MTOR: variants seen among roughly 807,000 people sequenced by gnomAD.
The protein encoded by MTOR is mechanistic target of rapamycin kinase.
In MTOR, 70 loss-of-function variants were observed where a neutral mutation model predicts 319.8. The observed-to-expected ratio is 0.22, with a 90% CI of 0.18 to 0.27. MTOR has a LOEUF of 0.27. Ranked by LOEUF, MTOR falls within the 10% of genes least tolerant of loss-of-function variation. The probability of loss-of-function intolerance (pLI) is 1.00; values close to 1 mark genes in which losing one functional copy is unlikely to be tolerated. For synonymous variants in MTOR, 1,183 were observed against 1,211.4 expected (o/e 0.98, Z 0.49); for missense variants, 1,890 against 3,274.4 (o/e 0.58, Z 10.32).
At chr1:11,204,792 T>C (rs935640584) in intron 25 of MTOR, 89 bp from the exon 26 acceptor site, 1 of 1,387,640 alleles carries the variant, frequency 7.2e-7, no homozygotes, top group Non-Finnish European at 9.7e-7. Flanking sequence ...ATTCTACTTT[T>C]AGATTTATAA....
chr1:11,235,373 C>G (rs2100886720), intron 13 of MTOR, among the ~76,000 whole-genome samples: 1 of 152,242 alleles, frequency 6.6e-6, no homozygotes, highest in African/African-American at 2.4e-5. Flanking sequence ...AATCCCAGCA[C>G]TTTAGGAGGC....
rs1455166921 is a variant in MTOR at position 11,128,716 on chromosome 1, G to A, written c.5811+139C>T. The A allele has an allele frequency of 1.0e-5, 10 of 1,000,528 alleles. No homozygotes were observed. In the East Asian group the frequency reaches 2.6e-4, roughly 26 times the overall value. The allele number at this position is 1,000,528 out of a possible 1,614,324, so 62.0% of individuals were successfully genotyped here. A position where few individuals can be genotyped will look rare whatever the true frequency, so the allele number is the denominator to read the frequency against. ...GAAAATAAAGAAAATATGGACACTT[G>A]ACACTGGGACCGAGCCCTACTTCCT... is the stretch of plus-strand genomic sequence containing the variant. On this transcript the variant is annotated intron_variant, in intron 41 of 57. Coordinates refer to ENST00000361445, the MANE Select transcript of MTOR (RefSeq NM_004958.4). This position sits in a 1 kb window ranked among gnomAD's most constrained non-coding sequence, Gnocchi z 5.3.
At chr1:11,188,343 T>C (rs2100694604) in intron 28 of MTOR, among the ~76,000 whole-genome samples, 3 of 152,212 alleles carry the variant, frequency 2.0e-5, no homozygotes, top group Admixed American at 2.0e-4. Flanking sequence ...ACATGAAAAA[T>C]TACAATATTC....
chr1:11,124,084 G>A (rs911827141), intron 47 of MTOR, among the ~76,000 whole-genome samples: 4 of 152,236 alleles, frequency 2.6e-5, no homozygotes, highest in African/African-American at 9.6e-5. Context: ...CACCGTGCCC[G>A]GTCACCTTTT....
chr1:11,189,459 T>G (rs1405183059), intron 28 of MTOR: 2 of 1,189,964 alleles, frequency 1.7e-6, no homozygotes, highest in African/African-American at 3.1e-5. Context: ...AACAACAAAG[T>G]GGCGAGGCCC....
At chr1:11,261,720 C>T (rs1651159718) in intron 1 of MTOR, among the ~76,000 whole-genome samples, 1 of 151,980 alleles carries the variant, frequency 6.6e-6, no homozygotes, top group Non-Finnish European at 1.5e-5. Context: ...GAAATGTCAT[C>T]CTTTAGGGGA....
intron 28 of MTOR, among the ~76,000 whole-genome samples, chr1:11,177,488 T>C (rs1052921701): frequency 2.0e-5 from 3 of 152,070 alleles, no homozygotes; most frequent in Non-Finnish European, 4.4e-5. Context: ...AGCCCACGAG[T>C]GTGAGGCTGC....
Position 11,112,876 on chromosome 1 carries a change from AATCCGT to A in MTOR, c.7336_7341del (p.Thr2446_Asp2447del), listed in dbSNP as rs1641966003. 3.1e-6 allele frequency: 5 copies of A among 1,614,238 alleles called. No homozygotes were observed. Among genetic ancestry groups the A allele is most frequent in the Non-Finnish European group, 4.2e-6 (5 of 1,180,042 alleles). On this transcript the variant is annotated inframe_deletion, in exon 54 of 58. Coordinates refer to ENST00000361445, the MANE Select transcript of MTOR (RefSeq NM_004958.4). Reference sequence around the variant, plus strand: ...CCGACTGACTGGCCAGCAGAGTAGGAATCCGTCCTCGTTCGGGATCGCTTGTTGCCT... The same window carrying A: ...CCGACTGACTGGCCAGCAGAGTAGGACCTCGTTCGGGATCGCTTGTTGCCT...
intron 34 of MTOR, among the ~76,000 whole-genome samples, chr1:11,142,611 T>C (rs375361748): frequency 2.5e-4 from 38 of 152,286 alleles, no homozygotes; most frequent in Middle Eastern, 3.4e-3. Context: ...GAACTCCTTT[T>C]TCATCCTTGT....
rs1365737832 is a variant in MTOR at position 11,156,072 on chromosome 1, C to G, written c.4469+1080G>C. ...GTGGTGCAATCTCAGCTCACTGCAA[C>G]CTCCGCCTCCCGGGTTCAAGTGATC... On this transcript the variant is annotated intron_variant, in intron 30 of 57. Transcript: ENST00000361445. Among the ~76,000 whole-genome samples the G allele has an allele frequency of 5.3e-5, 8 of 152,144 alleles. No individual in the cohort carries two copies. The East Asian group carries it at 1.5e-3, about 29-fold the overall frequency.
chr1:11,208,545 C>T (rs910255143), intron 25 of MTOR, among the ~76,000 whole-genome samples: 3 of 152,232 alleles, frequency 2.0e-5, no homozygotes, highest in African/African-American at 7.2e-5. Context: ...TGAAAAATAA[C>T]ACTGAAATCT....
Position 11,115,754 on chromosome 1 carries a change from A to G in MTOR, c.7017-286T>C. On this transcript the variant is annotated intron_variant, in intron 50 of 57. Transcript: ENST00000361445. This position sits in a 1 kb window ranked among gnomAD's most constrained non-coding sequence, Gnocchi z 4.5. Reference sequence around the variant, plus strand: ...AAAACGACCTATTAACTGGTCCTTTACAGAAACAGTTTGCCAACTCCTGCT... The same window carrying G: ...AAAACGACCTATTAACTGGTCCTTTGCAGAAACAGTTTGCCAACTCCTGCT... 2 of 354,304 alleles carry G rather than the reference A, an allele frequency of 5.6e-6. No individual in the cohort carries two copies. Among genetic ancestry groups the G allele is most frequent in the South Asian group, 8.7e-5 (2 of 22,914 alleles). 21.9% of individuals were successfully genotyped at this position (354,304 alleles called of 1,614,324 possible). A position where few individuals can be genotyped will look rare whatever the true frequency, so the allele number is the denominator to read the frequency against.
In MTOR at chr1:11,248,104, T is replaced by C. The variant is rs746143421; in HGVS notation, c.841-10A>G. The C allele has an allele frequency of 1.9e-6, 3 of 1,568,912 alleles. No individual in the cohort carries two copies. The highest frequency in any genetic ancestry group is 1.4e-5 in the African/African-American group (1 of 73,154). ...TTTCTTCTCTCAGACGCTATATATA[T>C]GAGGAGGAAAAAAATCATCTTTACT... On this transcript the variant is annotated splice_polypyrimidine_tract_variant and intron_variant, in intron 6 of 57. Transcript: ENST00000361445.
chr1:11,198,444 A>G (rs902326133), intron 28 of MTOR, among the ~76,000 whole-genome samples: 1 of 152,138 alleles, frequency 6.6e-6, no homozygotes, highest in African/African-American at 2.4e-5. Context: ...CTCTCAAACA[A>G]AGGAGGCTCT....
chr1:11,126,041 CAAAA>C (rs757246303), intron 46 of MTOR, among the ~76,000 whole-genome samples: 130 of 28,310 alleles, frequency 4.6e-3, no homozygotes, highest in Middle Eastern at 0.018. Flanking sequence ...AACTCTGGCT[CAAAA>C]AAAAAAAAAA....
At position 11,112,896 on chromosome 1, in the gene MTOR, C is replaced by T. The variant is rs1413993125; in HGVS notation, c.7322G>A (p.Arg2441Gln). Residue 2441 changes from arginine to glutamine, a missense_variant, in exon 54 of 58, where the codon CGA becomes CAA. By Grantham distance (43) the Arg-to-Gln change is conservative. Coordinates refer to ENST00000361445, the MANE Select transcript of MTOR (RefSeq NM_004958.4). ...GTAGGAATCCGTCCTCGTTCGGGATCGCTTGTTGCCTTTGGTATTTGCTAG... is the reference window on the plus strand; with the variant it reads ...GTAGGAATCCGTCCTCGTTCGGGATTGCTTGTTGCCTTTGGTATTTGCTAG... ...LMDTNTKGNK[R>Q]SRTRTDSYSA... is the part of the protein sequence containing the mutation. The T allele has an allele frequency of 2.5e-6, 4 of 1,614,172 alleles. No homozygotes were observed. The highest frequency in any genetic ancestry group is 2.2e-5 in the East Asian group (1 of 44,884).
At chr1:11,230,278 G>A (rs1646974391) in intron 18 of MTOR, among the ~76,000 whole-genome samples, 1 of 152,136 alleles carries the variant, frequency 6.6e-6, no homozygotes. Context: ...AAATTAGCCA[G>A]GTGTGCTGGT....
In MTOR at chr1:11,106,842, A is replaced by G. The variant is rs889349126; in HGVS notation, c.*643T>C. ...GTGCATCTGCTCAGCCGAGGCTGCCAGCGATCTGAATAAACCTCCCTACTA... is the reference window on the plus strand; with the variant it reads ...GTGCATCTGCTCAGCCGAGGCTGCCGGCGATCTGAATAAACCTCCCTACTA... On this transcript the variant is annotated 3_prime_UTR_variant, in exon 58 of 58. Coordinates refer to ENST00000361445, the MANE Select transcript of MTOR (RefSeq NM_004958.4). 10 of 1,310,614 alleles carry G rather than the reference A, an allele frequency of 7.6e-6. No homozygotes were observed. In the Admixed American group the frequency reaches 1.7e-4, roughly 23 times the overall value. The allele number at this position is 1,310,614 out of a possible 1,614,324, so 81.2% of individuals were successfully genotyped here.
intron 24 of MTOR, 56 bp from the exon 25 acceptor site, chr1:11,209,514 A>G (rs1646246018): frequency 1.3e-6 from 2 of 1,597,294 alleles, no homozygotes; most frequent in East Asian, 4.5e-5. Context: ...CTTCTGGTTT[A>G]GGAAATATCC....
Sources: allele counts gnomAD v4.1 joint callset (sites outside exome capture counted in the v4.1 genomes callset), GRCh38; gene constraint gnomAD v4.1.1; non-coding constraint Gnocchi (gnomAD v3.1); transcripts MANE v1.5; gene names NCBI Gene and HGNC (gene_info 2026-07-23, HGNC 2026-07-21).